Variants in SAR1B observed in about 807,000 individuals in gnomAD.
SAR1B encodes secretion associated Ras related GTPase 1B.
In SAR1B, 23 loss-of-function variants were observed where a neutral mutation model predicts 26.8. The observed-to-expected ratio is 0.86, with a 90% CI of 0.62 to 1.22. SAR1B has a LOEUF of 1.22. Ranked by LOEUF, SAR1B falls within the 50% of genes most tolerant of loss-of-function variation. The pLI is 0.00. For synonymous variants in SAR1B, 65 were observed against 80.8 expected, an observed-to-expected ratio of 0.80 and a Z score of 1.05; for missense variants, 196 against 232.8, an observed-to-expected ratio of 0.84 and a Z score of 1.03.
At chr5:134,615,130 C>T (rs1315709308) in intron 3 of SAR1B, among the ~76,000 whole-genome samples, 1 of 151,976 alleles carries the variant, frequency 6.6e-6, no homozygotes, top group East Asian at 1.9e-4. Flanking sequence ...GGGCAGATCA[C>T]GAGGTCAGGA....
Position 134,612,679 on chromosome 5 carries a change from A to AAAT in SAR1B, c.244+11_244+12insATT. 20 of 991,776 alleles carry AAAT rather than the reference A, an allele frequency of 2.0e-5. No homozygotes were observed. The highest frequency in any genetic ancestry group is 2.7e-5 in the Non-Finnish European group (19 of 712,510). The allele number at this position is 991,776 out of a possible 1,614,324, so 61.4% of individuals were successfully genotyped here. On this transcript the variant is annotated intron_variant, in intron 4 of 6. Transcript: ENST00000402673. Reference sequence around the variant, plus strand: ...AAAAAAAAAAAAAAAAAAAAAAAAAAAAGAATCTTACCTTGAACATGTCCA... The same window carrying AAAT: ...AAAAAAAAAAAAAAAAAAAAAAAAAAAATAAGAATCTTACCTTGAACATGTCCA...
chr5:134,615,968 C>T (rs1447032679), intron 3 of SAR1B, among the ~76,000 whole-genome samples: 3 of 151,618 alleles, frequency 2.0e-5, no homozygotes, highest in Admixed American at 6.6e-5. Context: ...GGTGAAACCC[C>T]GTCTCTACTA....
rs903083232 is a variant in SAR1B at position 134,603,629 on chromosome 5, T to C, written c.*3321A>G. On this transcript the variant is annotated 3_prime_UTR_variant, in exon 7 of 7. Coordinates refer to ENST00000402673, the MANE Select transcript of SAR1B (RefSeq NM_016103.4). ...GCCTGGCCAACATAGTGAAACCCCA[T>C]CTCTACTAAAAATACAAAAATTAGC... 2.6e-5 allele frequency: 4 copies of C among 151,958 alleles called. No homozygotes were observed. The highest frequency in any genetic ancestry group is 9.7e-5 in the African/African-American group (4 of 41,436). 9.4% of individuals were successfully genotyped at this position (151,958 alleles called of 1,614,324 possible).
intron 2 of SAR1B, among the ~76,000 whole-genome samples, chr5:134,621,552 C>A (rs1404264024): frequency 2.0e-5 from 3 of 151,788 alleles, no homozygotes; most frequent in African/African-American, 7.3e-5. Flanking sequence ...ATTATAAAAC[C>A]AAACTTCAAC....
At chr5:134,632,333 T>C (rs1049804490) in intron 1 of SAR1B, 23 of 152,286 alleles carry the variant, frequency 1.5e-4, no homozygotes, top group African/African-American at 5.5e-4. Context: ...GGAAGCTCAA[T>C]TTGCCTCTAC....
intron 1 of SAR1B, among the ~76,000 whole-genome samples, chr5:134,629,311 C>A (rs767730161): frequency 1.3e-5 from 2 of 152,080 alleles, no homozygotes; most frequent in Non-Finnish European, 2.9e-5. Flanking sequence ...GTAATCCCAG[C>A]ACTTTGGGAG....
chr5:134,616,265 C>T (rs183157579), intron 3 of SAR1B, among the ~76,000 whole-genome samples: 134 of 151,786 alleles, frequency 8.8e-4, no homozygotes, highest in Non-Finnish European at 1.4e-3. Flanking sequence ...GGTGAAATCC[C>T]GTCTCTACTA....
At chr5:134,607,970 A>G (rs1186803664) in intron 6 of SAR1B, among the ~76,000 whole-genome samples, 1 of 152,206 alleles carries the variant, frequency 6.6e-6, no homozygotes, top group Non-Finnish European at 1.5e-5. Flanking sequence ...AGCTTATTAT[A>G]AAGTATATGT....
intron 6 of SAR1B, 59 bp from the exon 7 acceptor site, chr5:134,607,125 C>T (rs1269834460): frequency 6.7e-6 from 7 of 1,040,098 alleles, no homozygotes; most frequent in Non-Finnish European, 1.1e-5. Flanking sequence ...GCCCCACATC[C>T]CAGCAGAATT....
At position 134,601,441 on chromosome 5, in the gene SAR1B, A is replaced by G. The variant is rs1765032598; in HGVS notation, c.*5509T>C. ...CAAGGTTAGTGATTAACAACTTACCATCAATATACCACTTCAACATACTTT... is the reference window on the plus strand; with the variant it reads ...CAAGGTTAGTGATTAACAACTTACCGTCAATATACCACTTCAACATACTTT... On this transcript the variant is annotated 3_prime_UTR_variant, in exon 7 of 7. Transcript: ENST00000402673. 6.6e-6 allele frequency: 1 copy of G among 152,220 alleles called. No individual in the cohort carries two copies. Among genetic ancestry groups the G allele is most frequent in the African/African-American group, 2.4e-5 (1 of 41,474 alleles). 9.4% of individuals were successfully genotyped at this position (152,220 alleles called of 1,614,324 possible).
In SAR1B at chr5:134,624,049, G is replaced by C; in HGVS notation, c.-18-12C>G. Reference sequence around the variant, plus strand: ...AAATCTGATAGGGTCTGAAAAAAAAGAGTTTGAATTTAGTAGTCAACATTA... The same window carrying C: ...AAATCTGATAGGGTCTGAAAAAAAACAGTTTGAATTTAGTAGTCAACATTA... On this transcript the variant is annotated splice_polypyrimidine_tract_variant and intron_variant, in intron 1 of 6. Coordinates refer to ENST00000402673, the MANE Select transcript of SAR1B (RefSeq NM_016103.4). 2 of 1,519,540 alleles carry C rather than the reference G, an allele frequency of 1.3e-6. No homozygotes were observed. The highest frequency in any genetic ancestry group is 1.8e-6 in the Non-Finnish European group (2 of 1,094,188). The allele number at this position is 1,519,540 out of a possible 1,614,324, so 94.1% of individuals were successfully genotyped here.
intron 1 of SAR1B, among the ~76,000 whole-genome samples, chr5:134,630,466 A>G (rs1423146994): frequency 6.7e-6 from 1 of 149,710 alleles, no homozygotes; most frequent in Non-Finnish European, 1.5e-5. Flanking sequence ...CAAAAAAAAA[A>G]AAAAAAAAAA....
rs1056753847 is a variant in SAR1B, at chr5:134,612,729, A to G, written c.206T>C (p.Met69Thr). 6.3e-7 allele frequency: 1 copy of G among 1,586,602 alleles called. No individual in the cohort carries two copies. The highest frequency in any genetic ancestry group is 8.6e-7 in the Non-Finnish European group (1 of 1,165,944). ...PTSEELTIAG[M>T]TFTTFDLGGH... is the part of the protein sequence containing the mutation. ...ACCCAGATCAAAAGTTGTAAACGTC[A>G]TGCCAGCAATGGTCAGTTCTTCGGA... Residue 69 changes from methionine (M) to threonine (T), a missense_variant, in exon 4 of 7, where the codon ATG (methionine) becomes ACG (threonine). Met to Thr is a moderately conservative substitution (Grantham distance 81). Transcript: ENST00000402673.
intron 3 of SAR1B, among the ~76,000 whole-genome samples, chr5:134,616,330 G>A (rs1314166019): frequency 1.3e-5 from 2 of 150,792 alleles, no homozygotes; most frequent in Non-Finnish European, 3.0e-5. Context: ...CCAGCTACTC[G>A]AGAGGCTGAG....
At chr5:134,618,503 T>C (rs1765350193) in intron 3 of SAR1B, among the ~76,000 whole-genome samples, 1 of 152,188 alleles carries the variant, frequency 6.6e-6, no homozygotes, top group African/African-American at 2.4e-5. Context: ...TTATTAAGGC[T>C]ACACTTACTA....
At chr5:134,617,426 C>T (rs771187399) in intron 3 of SAR1B, among the ~76,000 whole-genome samples, 26 of 152,024 alleles carry the variant, frequency 1.7e-4, no homozygotes, top group Admixed American at 3.3e-4. Flanking sequence ...CTTTTCCACA[C>T]CAGAATAGAT....
intron 1 of SAR1B, among the ~76,000 whole-genome samples, chr5:134,629,921 G>A (rs1282828461): frequency 2.0e-5 from 3 of 151,064 alleles, no homozygotes; most frequent in Non-Finnish European, 4.4e-5. Flanking sequence ...AAAAGAAAAC[G>A]AAGGATAAAA....
At chr5:134,616,673 T>G (rs1765322016) in intron 3 of SAR1B, among the ~76,000 whole-genome samples, 1 of 152,194 alleles carries the variant, frequency 6.6e-6, no homozygotes, top group African/African-American at 2.4e-5. Context: ...CTCTAGCCCC[T>G]TCCCAGTCAA....
At chr5:134,621,123 C>G in intron 2 of SAR1B, 71 bp from the exon 3 acceptor site, 1 of 1,507,982 alleles carries the variant, frequency 6.6e-7, no homozygotes, top group African/African-American at 1.4e-5. Flanking sequence ...TTAAATTTGG[C>G]CCAATTAAGC....
Sources: allele counts gnomAD v4.1 joint callset (sites outside exome capture counted in the v4.1 genomes callset), GRCh38; gene constraint gnomAD v4.1.1; transcripts MANE v1.5; gene names NCBI Gene and HGNC (gene_info 2026-07-23, HGNC 2026-07-21).